PRKN: variants seen among roughly 807,000 people sequenced by gnomAD.
The protein encoded by PRKN is E3 ubiquitin-protein ligase parkin.
A neutral mutation model predicts 59.5 loss-of-function variants in PRKN; 56 were observed. The observed-to-expected ratio is 0.94, with a 90% CI of 0.76 to 1.18. PRKN has a LOEUF of 1.18. Among genes scored for constraint, PRKN ranks in the 50% most tolerant of loss-of-function variants. The pLI, the probability that PRKN is intolerant of heterozygous loss-of-function variation, is 0.00. For synonymous variants in PRKN, 250 were observed against 222.1 expected (o/e 1.13, Z -1.12); for missense variants, 657 against 596.4 (o/e 1.10, Z -1.06).
intron 5 of PRKN, among the ~76,000 whole-genome samples, chr6:162,036,646 G>T (rs534992306): frequency 5.3e-5 from 8 of 152,002 alleles, no homozygotes; most frequent in Non-Finnish European, 1.0e-4. Flanking sequence ...CTCCCAAAGT[G>T]CTGGGATTAC....
chr6:161,760,792 G>A (rs530927204), intron 7 of PRKN, among the ~76,000 whole-genome samples: 1 of 152,262 alleles, frequency 6.6e-6, no homozygotes, highest in African/African-American at 2.4e-5. Flanking sequence ...ATGAGCATAA[G>A]TCCTCTAAGA....
intron 6 of PRKN, among the ~76,000 whole-genome samples, chr6:161,803,424 G>A (rs1419172735): frequency 2.0e-5 from 3 of 152,168 alleles, no homozygotes; most frequent in Non-Finnish European, 2.9e-5. Context: ...AATCCAGTAC[G>A]TGGCATGTGC....
chr6:161,977,699 C>A (rs1008810557), intron 5 of PRKN, among the ~76,000 whole-genome samples: 40 of 151,654 alleles, frequency 2.6e-4, no homozygotes, highest in African/African-American at 9.0e-4. Context: ...AGGCGCCCGC[C>A]ACCACGCCCG....
intron 6 of PRKN, among the ~76,000 whole-genome samples, chr6:161,901,615 T>A (rs756624087): frequency 6.6e-6 from 1 of 152,186 alleles, no homozygotes; most frequent in Non-Finnish European, 1.5e-5. Context: ...AACAACGGCA[T>A]TCAGACAACA....
chr6:162,285,362 G>A (rs1781139803), intron 2 of PRKN, among the ~76,000 whole-genome samples: 1 of 142,274 alleles, frequency 7.0e-6, no homozygotes, highest in Admixed American at 7.8e-5. Flanking sequence ...CTTTATGACA[G>A]ATACTTCATT....
intron 4 of PRKN, among the ~76,000 whole-genome samples, chr6:162,061,483 T>C: frequency 6.6e-6 from 1 of 152,186 alleles, no homozygotes; most frequent in East Asian, 1.9e-4. Context: ...TTTTTCTCAA[T>C]TTCCCTATTA....
intron 1 of PRKN, among the ~76,000 whole-genome samples, chr6:162,634,551 G>T (rs1777636665): frequency 6.6e-6 from 1 of 152,192 alleles, no homozygotes; most frequent in Non-Finnish European, 1.5e-5. Flanking sequence ...GCAGAGCTTT[G>T]ATGTCTTATT....
At chr6:161,434,147 G>A (rs557608445) in intron 9 of PRKN, among the ~76,000 whole-genome samples, 1 of 151,978 alleles carries the variant, frequency 6.6e-6, no homozygotes, top group Non-Finnish European at 1.5e-5. Context: ...TTGTATGTGG[G>A]GAATATATTA....
intron 4 of PRKN, among the ~76,000 whole-genome samples, chr6:162,119,939 C>T (rs1253253777): frequency 6.6e-6 from 1 of 152,192 alleles, no homozygotes; most frequent in Non-Finnish European, 1.5e-5. Context: ...CAACTCAGCC[C>T]TATGACTAAG....
chr6:162,364,103 C>T (rs750325125), intron 2 of PRKN, among the ~76,000 whole-genome samples: 1 of 152,186 alleles, frequency 6.6e-6, no homozygotes, highest in Non-Finnish European at 1.5e-5. Context: ...CAGCCTGATA[C>T]AGTAGCAGGC....
intron 1 of PRKN, among the ~76,000 whole-genome samples, chr6:162,445,689 TAAAA>T (rs71004091): frequency 1.9e-3 from 53 of 28,612 alleles, no homozygotes; most frequent in Non-Finnish European, 2.1e-3. Flanking sequence ...AGACCTTGTC[TAAAA>T]AAAAAAAAAA....
chr6:161,744,020 C>G (rs544366667), intron 7 of PRKN, among the ~76,000 whole-genome samples: 1 of 152,216 alleles, frequency 6.6e-6, no homozygotes, highest in South Asian at 2.1e-4. Context: ...AGGGCAGCAC[C>G]TGATTCATCC....
At chr6:161,750,645 T>C (rs559784427) in intron 7 of PRKN, among the ~76,000 whole-genome samples, 5 of 151,418 alleles carry the variant, frequency 3.3e-5, no homozygotes, top group Non-Finnish European at 5.9e-5. Context: ...CACATGCCTG[T>C]AATCCCAGCT....
chr6:162,311,479 T>C (rs1782514211), intron 2 of PRKN, among the ~76,000 whole-genome samples: 1 of 147,946 alleles, frequency 6.8e-6, no homozygotes, highest in Non-Finnish European at 1.5e-5. Flanking sequence ...ATAATTTTTT[T>C]CCTTTTTTTT....
intron 2 of PRKN, among the ~76,000 whole-genome samples, chr6:162,352,759 G>A (rs1784676095): frequency 6.6e-6 from 1 of 152,170 alleles, no homozygotes; most frequent in Non-Finnish European, 1.5e-5. Flanking sequence ...GAAGCATCGA[G>A]AAAGGACAGA....
At chr6:161,698,746 T>G (rs746185382) in intron 7 of PRKN, among the ~76,000 whole-genome samples, 1 of 152,144 alleles carries the variant, frequency 6.6e-6, no homozygotes, top group African/African-American at 2.4e-5. Context: ...AATGCTAACA[T>G]AATTTGATAT....
intron 1 of PRKN, among the ~76,000 whole-genome samples, chr6:162,709,091 C>CCAT (rs1778435855): frequency 6.6e-6 from 1 of 152,104 alleles, no homozygotes; most frequent in South Asian, 2.1e-4. Context: ...TCACTGTCTC[C>CCAT]CATCACCTCC....
At chr6:162,206,879 C>T (rs1017310217) in intron 3 of PRKN, among the ~76,000 whole-genome samples, 4 of 152,208 alleles carry the variant, frequency 2.6e-5, no homozygotes, top group Admixed American at 2.6e-4. Context: ...AGAATCAGCA[C>T]CACCTCTGAT....
chr6:161,843,238 A>G (rs1793063699), intron 6 of PRKN, among the ~76,000 whole-genome samples: 1 of 152,146 alleles, frequency 6.6e-6, no homozygotes, highest in African/African-American at 2.4e-5. Context: ...CTCCTTCTGA[A>G]TAACAGCCCC....
Sources: allele counts gnomAD v4.1 joint callset (sites outside exome capture counted in the v4.1 genomes callset), GRCh38; gene constraint gnomAD v4.1.1; transcripts MANE v1.5; gene names NCBI Gene and HGNC (gene_info 2026-07-23, HGNC 2026-07-21).